Variants in PCDHA8 observed in about 807,000 individuals in gnomAD.
The protein encoded by PCDHA8 is protocadherin alpha-8.
PCDHA8 carries 53 observed loss-of-function variants against 61.8 expected under a neutral mutation model. The observed-to-expected ratio is 0.86, with a 90% CI of 0.69 to 1.08. The LOEUF is 1.08. Ranked by LOEUF, PCDHA8 falls within the 50% of genes least tolerant of loss-of-function variation. PCDHA8 has a pLI of 0.00. For missense variants in PCDHA8, 1,293 were observed against 1,245.0 expected (o/e 1.04, Z -0.58); for synonymous variants, 618 against 556.6 (o/e 1.11, Z -1.55).
chr5:140,882,124 C>T (rs1166492594), intron 1 of PCDHA8: 2 of 1,459,646 alleles, frequency 1.4e-6, no homozygotes, highest in African/African-American at 1.4e-5. Flanking sequence ...CCGTTTCTTT[C>T]TTCCTGCAGA....
intron 2 of PCDHA8, among the ~76,000 whole-genome samples, chr5:140,979,837 C>T (rs1554241124): frequency 6.6e-6 from 1 of 152,188 alleles, no homozygotes; most frequent in Non-Finnish European, 1.5e-5. Flanking sequence ...AAGAAATAAT[C>T]TTCAAACTTA....
chr5:140,868,360 T>C (rs1403678889), intron 1 of PCDHA8: 1 of 152,130 alleles, frequency 6.6e-6, no homozygotes, highest in African/African-American at 2.4e-5. Context: ...AGCAATTAAA[T>C]GTAAATAACA....
intron 1 of PCDHA8, among the ~76,000 whole-genome samples, chr5:140,974,870 A>G (rs781837180): frequency 9.9e-5 from 15 of 152,182 alleles, no homozygotes; most frequent in African/African-American, 1.4e-4. Context: ...AATGCGGAAC[A>G]GTCTATGTAT....
chr5:141,007,812 G>C (rs1446053616), intron 3 of PCDHA8, among the ~76,000 whole-genome samples: 2 of 152,078 alleles, frequency 1.3e-5, no homozygotes, highest in Non-Finnish European at 2.9e-5. Context: ...CCATTCATTT[G>C]CCTTCCCCCA....
chr5:140,847,846 ACT>A (rs2150404625), intron 1 of PCDHA8: 1 of 149,820 alleles, frequency 6.7e-6, no homozygotes, highest in Non-Finnish European at 1.5e-5. Flanking sequence ...GTTGGTTGCT[ACT>A]TTTTGTTGAT....
At chr5:140,862,566 T>C (rs1440139064) in intron 1 of PCDHA8, 1 of 478,068 alleles carries the variant, frequency 2.1e-6, no homozygotes, top group Non-Finnish European at 4.3e-6. Context: ...TGAACCACAA[T>C]GCCCTGGCGT....
intron 1 of PCDHA8, among the ~76,000 whole-genome samples, chr5:140,900,751 G>A (rs781973754): frequency 1.3e-5 from 2 of 152,060 alleles, no homozygotes; most frequent in African/African-American, 2.4e-5. Context: ...GGATCACTTG[G>A]TAGCTCTATT....
intron 1 of PCDHA8, chr5:140,862,563 C>T: frequency 2.1e-6 from 1 of 476,978 alleles, no homozygotes; most frequent in Non-Finnish European, 4.3e-6. Context: ...CAGTGAACCA[C>T]AATGCCCTGG....
intron 3 of PCDHA8, among the ~76,000 whole-genome samples, chr5:140,984,986 G>A (rs553872050): frequency 6.6e-6 from 1 of 152,080 alleles, no homozygotes; most frequent in African/African-American, 2.4e-5. Context: ...CCCCCAGGCT[G>A]GAGTCCAGTG....
chr5:140,973,073 C>T (rs1372527958), intron 1 of PCDHA8, among the ~76,000 whole-genome samples: 1 of 151,988 alleles, frequency 6.6e-6, no homozygotes, highest in Non-Finnish European at 1.5e-5. Context: ...TCTCAGTGGG[C>T]CCAGCTGGCA....
intron 1 of PCDHA8, chr5:140,928,020 T>G: frequency 1.2e-6 from 2 of 1,614,182 alleles, no homozygotes; most frequent in Middle Eastern, 1.6e-4. Context: ...GTAGGGTCAT[T>G]TGTGGCATGT....
intron 1 of PCDHA8, chr5:140,876,837 C>T (rs782753877): frequency 1.9e-6 from 3 of 1,614,148 alleles, no homozygotes; most frequent in Admixed American, 3.3e-5. Context: ...CGCCTGCGTT[C>T]GCGCAGCCCG....
chr5:140,893,929 T>C (rs2064240374), intron 1 of PCDHA8, among the ~76,000 whole-genome samples: 1 of 152,214 alleles, frequency 6.6e-6, no homozygotes, highest in South Asian at 2.1e-4. Flanking sequence ...TCAGAATCTC[T>C]ACCTGTTAAT....
chr5:140,874,547 G>C (rs2054980934), intron 1 of PCDHA8, among the ~76,000 whole-genome samples: 1 of 152,190 alleles, frequency 6.6e-6, no homozygotes, highest in Non-Finnish European at 1.5e-5. Context: ...AACCCTTTAA[G>C]AGATCTTTCG....
At chr5:140,871,703 A>G (rs1202166124) in intron 1 of PCDHA8, 9 of 879,148 alleles carry the variant, frequency 1.0e-5, no homozygotes, top group African/African-American at 1.7e-5. Context: ...TTTAACCAAT[A>G]AATGTCCTAT....
chr5:140,886,158 C>A (rs888588847), intron 1 of PCDHA8, among the ~76,000 whole-genome samples: 2 of 152,142 alleles, frequency 1.3e-5, no homozygotes, highest in South Asian at 4.1e-4. Context: ...CTTTTTATAG[C>A]CACATCTGCT....
intron 1 of PCDHA8, among the ~76,000 whole-genome samples, chr5:140,935,284 A>G (rs576807866): frequency 6.6e-6 from 1 of 152,340 alleles, no homozygotes; most frequent in South Asian, 2.1e-4. Context: ...AATAAAGTTC[A>G]GCACTCCGAG....
At chr5:140,981,665 CCTTT>C (rs1170982670) in intron 2 of PCDHA8, among the ~76,000 whole-genome samples, 2 of 152,092 alleles carry the variant, frequency 1.3e-5, no homozygotes, top group Non-Finnish European at 2.9e-5. Flanking sequence ...TTTCTTCCTT[CCTTT>C]CTTCCTTCCT....
Position 140,862,663 on chromosome 5 carries a change from G to A in PCDHA8, c.2394+18948G>A, listed in dbSNP as rs1181876695. ...CACAGTGTCCGCGCGGGACCGGGAC[G>A]CGCAGGAGAACGTGCTGGTGTCCTA... On this transcript the variant is annotated intron_variant, in intron 1 of 3. Coordinates refer to ENST00000531613, the MANE Select transcript of PCDHA8 (RefSeq NM_018911.3). The A allele has an allele frequency of 1.5e-5, 8 of 547,042 alleles. No individual in the cohort carries two copies. In the East Asian group the frequency reaches 4.0e-4, roughly 27 times the overall value. The allele number at this position is 547,042 out of a possible 1,614,324, so 33.9% of individuals were successfully genotyped here.
Sources: gnomAD v4.1 joint callset for allele counts (sites outside exome capture counted in the v4.1 genomes callset) on GRCh38, gnomAD v4.1.1 for gene constraint, MANE v1.5 for transcripts, NCBI Gene and HGNC (gene_info 2026-07-23, HGNC 2026-07-21) for gene names.